The following WFDC9 variants were observed in gnomAD, a reference collection of about 807,000 sequenced individuals.
The protein encoded by WFDC9 is protein WFDC9.
In WFDC9, 9 loss-of-function variants were observed where a neutral mutation model predicts 9.5. The observed-to-expected ratio is 0.95, with a 90% CI of 0.57 to 1.65. The LOEUF (loss-of-function observed/expected upper bound fraction) is 1.65, where lower values mean the gene tolerates loss of function less well. WFDC9 is among the 40% of genes most tolerant of loss of function. WFDC9 has a pLI of 0.00. For synonymous variants in WFDC9, 33 were observed against 32.3 expected, an observed-to-expected ratio of 1.02 and a Z score of -0.07; for missense variants, 87 against 106.7, an observed-to-expected ratio of 0.82 and a Z score of 0.81.
At chr20:45,613,142 C>T (rs1033861607) in intron 2 of WFDC9, among the ~76,000 whole-genome samples, 1 of 152,182 alleles carries the variant, frequency 6.6e-6, no homozygotes, top group South Asian at 2.1e-4. Context: ...TCAATGGTCA[C>T]ATGTAGTTAG....
intron 1 of WFDC9, chr20:45,629,637 A>G: frequency 3.1e-6 from 2 of 642,960 alleles, no homozygotes; most frequent in South Asian, 6.9e-5. Context: ...ACGAACGACA[A>G]GGCCAGGGGC....
intron 1 of WFDC9, among the ~76,000 whole-genome samples, chr20:45,624,972 T>C (rs1382403795): frequency 6.6e-6 from 1 of 152,260 alleles, no homozygotes; most frequent in East Asian, 1.9e-4. Context: ...GAGTTTCTTG[T>C]ATATTCTGGA....
chr20:45,629,374 A>G lies in WFDC9; in HGVS notation c.-153+1829T>C, dbSNP rs186567008. 8.5e-5 allele frequency among the ~76,000 whole-genome samples: 13 copies of G among 152,392 alleles called. No homozygotes were observed. The East Asian group carries it at 2.5e-3, about 29-fold the overall frequency. ...GATTAAATAAGGGTGGCAAAAATAG[A>G]TAACAAAAGTTGTTTATATTAAAAG... On this transcript the variant is annotated intron_variant, in intron 1 of 4. Transcript: ENST00000326000.
Position 45,630,193 on chromosome 20 carries a change from C to A in WFDC9, c.-153+1010G>T, listed in dbSNP as rs149371309. On this transcript the variant is annotated intron_variant, in intron 1 of 4. Transcript: ENST00000326000. ...TGAAAGGCGCACCAGGGCTGAGAATCCAGTGGGGAAAGCAAGACAATTATT... is the reference window on the plus strand; with the variant it reads ...TGAAAGGCGCACCAGGGCTGAGAATACAGTGGGGAAAGCAAGACAATTATT... Among the ~76,000 whole-genome samples, 7 of 152,168 alleles carry A rather than the reference C, an allele frequency of 4.6e-5. No individual in the cohort carries two copies. The East Asian group carries it at 1.4e-3, about 29-fold the overall frequency.
intron 1 of WFDC9, among the ~76,000 whole-genome samples, chr20:45,615,365 C>T (rs571334607): frequency 3.3e-5 from 5 of 152,238 alleles, no homozygotes; most frequent in Non-Finnish European, 7.4e-5. Flanking sequence ...GAAAAGAGAA[C>T]AGTCAAGTGG....
chr20:45,613,841 T>G (rs1981914121), intron 2 of WFDC9, among the ~76,000 whole-genome samples: 1 of 152,100 alleles, frequency 6.6e-6, no homozygotes. Flanking sequence ...GCAAGACAGG[T>G]GAACCATGAA....
intron 1 of WFDC9, among the ~76,000 whole-genome samples, chr20:45,622,802 T>C (rs1201309357): frequency 1.3e-5 from 2 of 152,236 alleles, no homozygotes; most frequent in East Asian, 3.8e-4. Context: ...TTCTGTATTA[T>C]TTGCTATCAG....
intron 4 of WFDC9, 86 bp downstream of exon 4, chr20:45,608,577 T>C: frequency 6.7e-7 from 1 of 1,485,386 alleles, no homozygotes; most frequent in Non-Finnish European, 9.0e-7. Flanking sequence ...AACCAGGATT[T>C]GGGTGGCTGC....
At chr20:45,627,950 TC>T (rs1473366084) in intron 1 of WFDC9, among the ~76,000 whole-genome samples, 1 of 152,212 alleles carries the variant, frequency 6.6e-6, no homozygotes, top group East Asian at 1.9e-4. Context: ...CTCTAGTTTT[TC>T]TATGCAGACT....
At chr20:45,608,945 C>T in intron 3 of WFDC9, 135 bp from the exon 4 acceptor site, 2 of 992,322 alleles carry the variant, frequency 2.0e-6, no homozygotes, top group Non-Finnish European at 2.9e-6. Context: ...AAATCCCTTC[C>T]TCAAATTATA....
In WFDC9 at chr20:45,610,213, T is replaced by C. The variant is rs768957282; in HGVS notation, c.-32A>G. On this transcript the variant is annotated 5_prime_UTR_variant, in exon 3 of 5. Coordinates refer to ENST00000326000, the MANE Select transcript of WFDC9 (RefSeq NM_147198.4). ...CTCTGTGTGTATTTGGGTTAAGTTC[T>C]GGCAGAAGGCAAGTCTTTTCCCAAT... is the stretch of plus-strand genomic sequence containing the variant. 2.1e-5 allele frequency: 33 copies of C among 1,598,874 alleles called. No homozygotes were observed. Among genetic ancestry groups the C allele is most frequent in the Non-Finnish European group, 2.6e-5 (30 of 1,167,402 alleles).
chr20:45,630,758 C>T lies in WFDC9; in HGVS notation c.-153+445G>A, dbSNP rs1386791283. 5.8e-6 allele frequency: 7 copies of T among 1,202,436 alleles called. No individual in the cohort carries two copies. In the African/African-American group the frequency reaches 9.5e-5, roughly 16 times the overall value. 74.5% of individuals were successfully genotyped at this position (1,202,436 alleles called of 1,614,324 possible). A position where few individuals can be genotyped will look rare whatever the true frequency, so the allele number is the denominator to read the frequency against. The stretch of plus-strand genomic sequence containing the variant: ...GAAGGTAGTTCTATGAAGAAGGAAT[C>T]CAGGAGTATCATGACTGAGACCTGG... On this transcript the variant is annotated intron_variant, in intron 1 of 4. Coordinates refer to ENST00000326000, the MANE Select transcript of WFDC9 (RefSeq NM_147198.4).
At chr20:45,631,002 G>C in intron 1 of WFDC9, 2 of 1,601,864 alleles carry the variant, frequency 1.2e-6, no homozygotes, top group Non-Finnish European at 1.7e-6. Context: ...GGGAATGTTT[G>C]CATGAGCATC....
intron 1 of WFDC9, chr20:45,630,778 A>C (rs1982343850): frequency 2.9e-6 from 4 of 1,365,798 alleles, no homozygotes; most frequent in Non-Finnish European, 3.9e-6. Context: ...CATGACTGAG[A>C]CCTGGGTTCA....
chr20:45,623,365 C>G (rs548276035), intron 1 of WFDC9, among the ~76,000 whole-genome samples: 1 of 151,986 alleles, frequency 6.6e-6, no homozygotes, highest in Admixed American at 6.6e-5. Context: ...TTAGGCCAGG[C>G]GTGGTGGCTC....
chr20:45,614,470 C>A (rs977961429), intron 2 of WFDC9, among the ~76,000 whole-genome samples, 158 bp downstream of exon 2: 1 of 152,156 alleles, frequency 6.6e-6, no homozygotes, highest in Admixed American at 6.5e-5. Context: ...ACCTATGGAA[C>A]CTCAGACAGC....
At chr20:45,612,858 A>G (rs1489051111) in intron 2 of WFDC9, among the ~76,000 whole-genome samples, 1 of 152,024 alleles carries the variant, frequency 6.6e-6, no homozygotes, top group East Asian at 1.9e-4. Flanking sequence ...TCTCCCATCT[A>G]CCCCCCTCAT....
At chr20:45,630,971 A>T (rs537092750) in intron 1 of WFDC9, 1 of 1,612,024 alleles carries the variant, frequency 6.2e-7, no homozygotes, top group African/African-American at 1.3e-5. Flanking sequence ...AGCAAATAAC[A>T]TATGCTGTTC....
At chr20:45,623,147 C>CTGT (rs1392242940) in intron 1 of WFDC9, among the ~76,000 whole-genome samples, 1 of 152,092 alleles carries the variant, frequency 6.6e-6, no homozygotes, top group Non-Finnish European at 1.5e-5. Context: ...TTATAATGGT[C>CTGT]ATACAGTTAT....
Sources: allele counts gnomAD v4.1 joint callset (sites outside exome capture counted in the v4.1 genomes callset), GRCh38; gene constraint gnomAD v4.1.1; transcripts MANE v1.5; gene names NCBI Gene and HGNC (gene_info 2026-07-23, HGNC 2026-07-21).